MRPS28: variants seen among roughly 807,000 people sequenced by gnomAD.
The protein encoded by MRPS28 is small ribosomal subunit protein bS1m.
A neutral mutation model predicts 10.8 loss-of-function variants in MRPS28; 7 were observed. That is an observed-to-expected ratio of 0.65 (90% confidence interval 0.37 to 1.22). MRPS28 has a LOEUF of 1.22. Ranked by LOEUF, MRPS28 falls within the 50% of genes most tolerant of loss-of-function variation. The pLI, the probability that MRPS28 is intolerant of heterozygous loss-of-function variation, is 0.02. For synonymous variants in MRPS28, 121 were observed against 93.3 expected, an observed-to-expected ratio of 1.30 and a Z score of -1.71; for missense variants, 265 against 232.9, an observed-to-expected ratio of 1.14 and a Z score of -0.90.
At chr8:79,936,125 T>C (rs557901522) in intron 2 of MRPS28, among the ~76,000 whole-genome samples, 12 of 151,944 alleles carry the variant, frequency 7.9e-5, no homozygotes, top group South Asian at 4.2e-4. Context: ...GGTGGGAGGA[T>C]TGCTTGAGGC....
intron 2 of MRPS28, among the ~76,000 whole-genome samples, chr8:79,998,121 C>G (rs1210621255): frequency 6.6e-6 from 1 of 151,736 alleles, no homozygotes; most frequent in African/African-American, 2.4e-5. Context: ...AAACATATAC[C>G]TCAACTGGAA....
At chr8:79,928,795 C>T (rs1421297733) in intron 2 of MRPS28, among the ~76,000 whole-genome samples, 2 of 19,100 alleles carry the variant, frequency 1.0e-4, no homozygotes, top group African/African-American at 4.4e-4. Flanking sequence ...GCCTGTAATC[C>T]CAGCACTTTG....
At chr8:79,982,148 G>A (rs1297506048) in intron 2 of MRPS28, among the ~76,000 whole-genome samples, 1 of 152,218 alleles carries the variant, frequency 6.6e-6, no homozygotes, top group Non-Finnish European at 1.5e-5. Flanking sequence ...TCAGGAAGCT[G>A]AGGCAGGAGA....
rs1038873689 is a variant in MRPS28 at position 79,918,728 on chromosome 8, C to CA, written c.*251dup. The CA allele has an allele frequency of 3.2e-5, 6 of 184,976 alleles. No homozygotes were observed. Among genetic ancestry groups the CA allele is most frequent in the African/African-American group, 1.5e-4 (6 of 40,468 alleles). The allele number at this position is 184,976 out of a possible 1,614,324, so 11.5% of individuals were successfully genotyped here. ...TAGTACCATGCACATAGACAGCACT[C>CA]AAAACGTATTTATTGAATGACAATT... On this transcript the variant is annotated 3_prime_UTR_variant, in exon 3 of 3. Coordinates refer to ENST00000276585, the MANE Select transcript of MRPS28 (RefSeq NM_014018.3).
chr8:80,030,010 C>G, intron 1 of MRPS28, 26 bp downstream of exon 1: 1 of 1,600,682 alleles, frequency 6.2e-7, no homozygotes, highest in Non-Finnish European at 8.5e-7. Flanking sequence ...ATTCCCGCGA[C>G]TCCCTCTCAC....
intron 2 of MRPS28, among the ~76,000 whole-genome samples, chr8:80,000,392 T>C (rs118075189): frequency 7.2e-4 from 110 of 152,278 alleles, no homozygotes; most frequent in Non-Finnish European, 1.3e-3. Flanking sequence ...ATAACTCTCC[T>C]AAGTACCTTT....
chr8:79,971,419 A>T (rs1807629573), intron 2 of MRPS28, among the ~76,000 whole-genome samples: 1 of 152,224 alleles, frequency 6.6e-6, no homozygotes, highest in Non-Finnish European at 1.5e-5. Context: ...CACTAAAAAC[A>T]GCTGTGCATT....
chr8:79,929,866 T>C (rs890936413), intron 2 of MRPS28, among the ~76,000 whole-genome samples: 5 of 152,150 alleles, frequency 3.3e-5, no homozygotes, highest in African/African-American at 1.2e-4. Flanking sequence ...GTTATGATTC[T>C]GTGACCCAGA....
At chr8:79,961,110 A>T (rs951853950) in intron 2 of MRPS28, among the ~76,000 whole-genome samples, 2 of 152,024 alleles carry the variant, frequency 1.3e-5, no homozygotes, top group Non-Finnish European at 2.9e-5. Flanking sequence ...AGTTAATTCT[A>T]CTCTAATGAG....
chr8:79,968,941 G>C (rs368741658), intron 2 of MRPS28, among the ~76,000 whole-genome samples: 13 of 152,168 alleles, frequency 8.5e-5, no homozygotes, highest in Admixed American at 2.6e-4. Flanking sequence ...AAGTTAATTG[G>C]TCTCTGTGCC....
At chr8:80,017,728 TTATCC>T (rs1809233341) in intron 1 of MRPS28, among the ~76,000 whole-genome samples, 1 of 152,166 alleles carries the variant, frequency 6.6e-6, no homozygotes, top group Non-Finnish European at 1.5e-5. Context: ...GGAGTGGAAC[TTATCC>T]TATGAGGACA....
chr8:80,014,294 A>G (rs946607836), intron 1 of MRPS28, among the ~76,000 whole-genome samples: 1 of 152,148 alleles, frequency 6.6e-6, no homozygotes, highest in Non-Finnish European at 1.5e-5. Context: ...TGTCAAAAAT[A>G]AATATATTTT....
intron 1 of MRPS28, among the ~76,000 whole-genome samples, chr8:80,019,583 T>A (rs181904665): frequency 6.6e-6 from 1 of 152,098 alleles, no homozygotes; most frequent in Non-Finnish European, 1.5e-5. Context: ...AAGGCAAGGA[T>A]GTCCCCTCTC....
rs1277285422 is a variant in MRPS28, at chr8:79,919,095, G to A, written c.449C>T (p.Thr150Met). 7.8e-5 allele frequency: 125 copies of A among 1,609,402 alleles called. No homozygotes were observed. Among genetic ancestry groups the A allele is most frequent in the Non-Finnish European group, 9.6e-5 (113 of 1,178,072 alleles). Residue 150 changes from threonine to methionine, a missense_variant, in exon 3 of 3, where the codon ACG becomes ATG. Transcript: ENST00000276585. Reference sequence around the variant, plus strand: ...TGTTGTTGCTCCCAGGAACCTAGACGTAAGTTCAAGATCTAATAGCCGCAA... The same window carrying A: ...TGTTGTTGCTCCCAGGAACCTAGACATAAGTTCAAGATCTAATAGCCGCAA... ...VRLRLLDLEL[T>M]SRFLGATTDT...
chr8:79,976,630 A>T (rs1318029379), intron 2 of MRPS28, among the ~76,000 whole-genome samples: 4 of 151,962 alleles, frequency 2.6e-5, no homozygotes, highest in Non-Finnish European at 5.9e-5. Context: ...TGCTTCAACC[A>T]GGGAGGTGAT....
chr8:79,939,643 T>G (rs1806706209), intron 2 of MRPS28, among the ~76,000 whole-genome samples: 1 of 152,108 alleles, frequency 6.6e-6, no homozygotes, highest in Non-Finnish European at 1.5e-5. Flanking sequence ...ACTTCTAATC[T>G]CCTCTTAGCT....
At chr8:79,938,605 CCTTA>C (rs1473073263) in intron 2 of MRPS28, among the ~76,000 whole-genome samples, 1 of 152,134 alleles carries the variant, frequency 6.6e-6, no homozygotes, top group Non-Finnish European at 1.5e-5. Flanking sequence ...CAAAAAAGAA[CCTTA>C]CTGTTGCCAG....
chr8:79,988,277 TG>T (rs1373373522), intron 2 of MRPS28, among the ~76,000 whole-genome samples: 1 of 67,304 alleles, frequency 1.5e-5, no homozygotes, highest in African/African-American at 6.0e-5. Flanking sequence ...TATCGTGGGG[TG>T]GGGGGAGGGG....
At chr8:80,015,686 A>G (rs2130215035) in intron 1 of MRPS28, among the ~76,000 whole-genome samples, 1 of 152,340 alleles carries the variant, frequency 6.6e-6, no homozygotes, top group African/African-American at 2.4e-5. Flanking sequence ...GTTTGAAGAG[A>G]CAGAGCAAGG....
Sources: allele counts gnomAD v4.1 joint callset (sites outside exome capture counted in the v4.1 genomes callset), GRCh38; gene constraint gnomAD v4.1.1; transcripts MANE v1.5; gene names NCBI Gene and HGNC (gene_info 2026-07-23, HGNC 2026-07-21).